The following NINL variants were observed in gnomAD, a reference collection of about 807,000 sequenced individuals.
NINL encodes the protein ninein like, also known as ninein-like protein.
NINL carries 153 observed loss-of-function variants against 160.3 expected under a neutral mutation model. The ratio of observed to expected loss-of-function variants is 0.95; its 90% CI spans 0.84 to 1.09. The LOEUF is 1.09. Ranked by LOEUF, NINL falls within the 50% of genes least tolerant of loss-of-function variation. The probability of loss-of-function intolerance (pLI) is 0.00; values close to 1 mark genes in which losing one functional copy is unlikely to be tolerated. For synonymous variants in NINL, 800 were observed against 734.8 expected (o/e 1.09, Z -1.43); for missense variants, 1,829 against 1,764.0 (o/e 1.04, Z -0.66).
intron 10 of NINL, among the ~76,000 whole-genome samples, chr20:25,493,286 C>T (rs1601136559): frequency 6.6e-6 from 1 of 152,278 alleles, no homozygotes; most frequent in South Asian, 2.1e-4. Context: ...TGGGATGAGG[C>T]TGTGCTCGGG....
At chr20:25,496,841 C>T (rs2063765903) in intron 9 of NINL, 38 bp from the exon 10 acceptor site, 10 of 1,604,734 alleles carry the variant, frequency 6.2e-6, no homozygotes, top group Non-Finnish European at 8.5e-6. Context: ...TGGGACCCCA[C>T]TGCTGGCCTG....
At chr20:25,482,191 A>C in intron 13 of NINL, 91 bp from the exon 14 acceptor site, 4 of 1,458,240 alleles carry the variant, frequency 2.7e-6, no homozygotes, top group Non-Finnish European at 3.7e-6. Flanking sequence ...GGTCCCTTGC[A>C]GGTGAGGTGC....
At position 25,476,078 on chromosome 20, in the gene NINL, A is replaced by G. The variant is rs776617938; in HGVS notation, c.3213T>C (p.Ala1071=). 1 of 1,613,844 alleles carries G rather than the reference A, an allele frequency of 6.2e-7. No individual in the cohort carries two copies. Among genetic ancestry groups the G allele is most frequent in the East Asian group, 2.2e-5 (1 of 44,886 alleles). ...KLLHLEDVVR[A]LEKHVDLREN... Reference sequence around the variant, plus strand: ...CTCTCAAATCTACATGTTTCTCCAGAGCCCGGACGACGTCTTCCAGATGTA... The same window carrying G: ...CTCTCAAATCTACATGTTTCTCCAGGGCCCGGACGACGTCTTCCAGATGTA... The change falls in exon 17 of 24, where the codon GCT becomes GCC. Residue 1071 remains alanine (A), a synonymous_variant. Transcript: ENST00000278886.
intron 16 of NINL, among the ~76,000 whole-genome samples, chr20:25,478,438 CATGT>C (rs565878878): frequency 1.4e-3 from 206 of 152,342 alleles, no homozygotes; most frequent in Non-Finnish European, 2.1e-3. Context: ...GGTCACTTCA[CATGT>C]ACCTCACACC....
chr20:25,581,376 AG>A (rs2065173815), intron 1 of NINL, among the ~76,000 whole-genome samples: 1 of 152,024 alleles, frequency 6.6e-6, no homozygotes, highest in Admixed American at 6.6e-5. Flanking sequence ...CGGGAGGCAG[AG>A]ATTGCAGTGA....
Position 25,479,151 on chromosome 20 carries a change from C to T in NINL, c.1973G>A (p.Arg658Lys). 3.7e-6 allele frequency: 6 copies of T among 1,612,658 alleles called. No individual in the cohort carries two copies. The highest frequency in any genetic ancestry group is 5.1e-6 in the Non-Finnish European group (6 of 1,179,590). ...AALKRNFEKE[R>K]KDMEQARRRE... is the part of the protein sequence containing the mutation. ...CCTGCGAGCCTGCTCCATGTCCTTC[C>T]TCTCCTTCTCAAAGTTCCTTTTCAG... is the stretch of plus-strand genomic sequence containing the variant. The change falls in exon 16 of 24, where the codon AGG (arginine) becomes AAG (lysine). Residue 658 changes from arginine (R) to lysine (K), a missense_variant. Physicochemically the swap from Arg to Lys is conservative, Grantham distance 26. Coordinates refer to ENST00000278886, the MANE Select transcript of NINL (RefSeq NM_025176.6).
intron 10 of NINL, among the ~76,000 whole-genome samples, chr20:25,493,017 C>G (rs1352629502): frequency 3.3e-5 from 5 of 152,174 alleles, no homozygotes; most frequent in South Asian, 4.1e-4. Flanking sequence ...CACGTGGGTT[C>G]TGAGGCTGCA....
chr20:25,473,645 G>A (rs1246615274), intron 17 of NINL, among the ~76,000 whole-genome samples: 2 of 150,628 alleles, frequency 1.3e-5, no homozygotes, highest in African/African-American at 2.4e-5. Flanking sequence ...CCAACATGGT[G>A]AAACCCCGTC....
Position 25,476,812 on chromosome 20 carries a change from G to C in NINL, c.2479C>G (p.Gln827Glu). Residue 827 changes from glutamine to glutamate, a missense_variant, in exon 17 of 24, where the codon CAG (glutamine) becomes GAG (glutamate). Physicochemically the swap from Gln to Glu is conservative, Grantham distance 29. Coordinates refer to ENST00000278886, the MANE Select transcript of NINL (RefSeq NM_025176.6). ...VDGPSLEAEM[Q>E]ALPKDGLVAG... ...ACCAGCCCATCTTTCGGCAGGGCCT[G>C]CATCTCTGCTTCCAGGGAGGGCCCG... 2 of 1,613,074 alleles carry C rather than the reference G, an allele frequency of 1.2e-6. No homozygotes were observed. The highest frequency in any genetic ancestry group is 1.7e-6 in the Non-Finnish European group (2 of 1,179,940).
chr20:25,578,210 C>T (rs1384077535), intron 1 of NINL, among the ~76,000 whole-genome samples: 1 of 150,810 alleles, frequency 6.6e-6, no homozygotes, highest in Admixed American at 6.6e-5. Flanking sequence ...CAGGATCAAG[C>T]GATTCTTCCA....
intron 17 of NINL, among the ~76,000 whole-genome samples, chr20:25,473,665 AATACACACATACAC>A (rs1382548152): frequency 1.5e-5 from 2 of 130,890 alleles, no homozygotes; most frequent in African/African-American, 5.9e-5. Flanking sequence ...CTGTAGTAAA[AATACACACATACAC>A]ACACACACAC....
Position 25,478,952 on chromosome 20 carries a change from C to G in NINL, c.2172G>C (p.Leu724=), listed in dbSNP as rs1376342969. Residue 724 remains leucine (L), a synonymous_variant, in exon 16 of 24, where the codon CTG becomes CTC. Transcript: ENST00000278886. ...TCTGCTGCAGGTGGCTGTGATGCCGCAGGGCCAGGCCACACAGTGCCTGGG... is the reference window on the plus strand; with the variant it reads ...TCTGCTGCAGGTGGCTGTGATGCCGGAGGGCCAGGCCACACAGTGCCTGGG... The part of the protein sequence containing the change: ...CCTQALCGLA[L]RHHSHLQQIR... 2 of 1,566,778 alleles carry G rather than the reference C, an allele frequency of 1.3e-6. No homozygotes were observed. The highest frequency in any genetic ancestry group is 1.7e-6 in the Non-Finnish European group (2 of 1,156,500).
At chr20:25,474,947 TA>T (rs1289588884) in intron 17 of NINL, among the ~76,000 whole-genome samples, 1 of 150,978 alleles carries the variant, frequency 6.6e-6, no homozygotes, top group Non-Finnish European at 1.5e-5. Flanking sequence ...GCCACCACAC[TA>T]ATTTTTGTAT....
At chr20:25,456,234 T>C (rs1469961114) in intron 22 of NINL, among the ~76,000 whole-genome samples, 2 of 88,748 alleles carry the variant, frequency 2.3e-5, no homozygotes, top group Non-Finnish European at 3.9e-5. Flanking sequence ...AGAGTGAGAC[T>C]CCATCTCAAA....
intron 1 of NINL, among the ~76,000 whole-genome samples, chr20:25,563,864 G>C (rs1461029697): frequency 2.0e-5 from 3 of 152,140 alleles, no homozygotes; most frequent in Non-Finnish European, 2.9e-5. Flanking sequence ...TTAGTGTCAA[G>C]AGATGAAAAA....
intron 10 of NINL, among the ~76,000 whole-genome samples, chr20:25,495,824 G>A (rs571664964): frequency 1.3e-5 from 2 of 152,200 alleles, no homozygotes; most frequent in Non-Finnish European, 2.9e-5. Context: ...GTGAACCAGT[G>A]CGGTGGTTGT....
chr20:25,542,122 G>A (rs1311504587), intron 1 of NINL, among the ~76,000 whole-genome samples: 4 of 152,210 alleles, frequency 2.6e-5, no homozygotes, highest in Non-Finnish European at 4.4e-5. Flanking sequence ...TGGGGACCCT[G>A]TCCTCCAAAG....
chr20:25,571,739 C>T (rs188276345), intron 1 of NINL, among the ~76,000 whole-genome samples: 22 of 151,922 alleles, frequency 1.4e-4, no homozygotes, highest in East Asian at 3.9e-4. Flanking sequence ...TAGTGGCACA[C>T]GCCTGTAATC....
At chr20:25,575,022 GAAA>G (rs933823507) in intron 1 of NINL, among the ~76,000 whole-genome samples, 1 of 149,356 alleles carries the variant, frequency 6.7e-6, no homozygotes, top group Non-Finnish European at 1.5e-5. Flanking sequence ...ATCAAGCAAA[GAAA>G]AAAAAAGGTT....
Sources: gnomAD v4.1 joint callset for allele counts (sites outside exome capture counted in the v4.1 genomes callset) on GRCh38, gnomAD v4.1.1 for gene constraint, MANE v1.5 for transcripts, NCBI Gene and HGNC (gene_info 2026-07-23, HGNC 2026-07-21) for gene names.